The following SEMG2 variants were observed in gnomAD, a reference collection of about 807,000 sequenced individuals.
SEMG2 encodes semenogelin 2.
A neutral mutation model predicts 8.1 loss-of-function variants in SEMG2; 3 were observed. The observed-to-expected ratio is 0.37, with a 90% confidence interval of 0.17 to 0.96. The LOEUF is 0.96. SEMG2 is among the 40% of genes least tolerant of loss of function. The probability of loss-of-function intolerance (pLI) is 0.41; values close to 1 mark genes in which losing one functional copy is unlikely to be tolerated. For synonymous variants in SEMG2, 252 were observed against 231.4 expected (o/e 1.09, Z -0.81); for missense variants, 726 against 671.2 (o/e 1.08, Z -0.90).
At chr20:45,221,656 G>T (rs2145590968) in intron 1 of SEMG2, 53 bp from the exon 2 acceptor site, 1 of 1,480,284 alleles carries the variant, frequency 6.8e-7, no homozygotes, top group Non-Finnish European at 9.2e-7. Context: ...GGTAAGAGTT[G>T]CAAGAGAGCT....
chr20:45,223,246 C>G lies in SEMG2; in HGVS notation c.1614C>G (p.Leu538=), dbSNP rs1568841621. ...CTGCAGATAGCAAACAAGACCTACT[C>G]AGTCATGAACAAAAAGGCAGATACA... ...GQSADSKQDL[L]SHEQKGRYKQ... The change falls in exon 2 of 3, where the codon CTC becomes CTG. Residue 538 remains leucine, a synonymous_variant. Coordinates refer to ENST00000372769, the MANE Select transcript of SEMG2 (RefSeq NM_003008.3). 1.2e-6 allele frequency: 2 copies of G among 1,614,114 alleles called. No individual in the cohort carries two copies. Among genetic ancestry groups the G allele is most frequent in the Non-Finnish European group, 1.7e-6 (2 of 1,179,984 alleles).
intron 1 of SEMG2, 30 bp from the exon 2 acceptor site, chr20:45,221,679 A>C (rs1180897597): frequency 6.6e-7 from 1 of 1,525,832 alleles, no homozygotes; most frequent in Non-Finnish European, 8.9e-7. Flanking sequence ...GGAGATAATG[A>C]ATGCATACAT....
Position 45,221,767 on chromosome 20 carries a change from C to T in SEMG2, c.135C>T (p.Gly45=), listed in dbSNP as rs1395786187. 1.2e-6 allele frequency: 2 copies of T among 1,613,520 alleles called. No homozygotes were observed. Among genetic ancestry groups the T allele is most frequent in the African/African-American group, 2.7e-5 (2 of 74,992 alleles). ...CCCAATTTCCACATGGACAAAAGGG[C>T]CAGCACTATTTTGGACAAAAAGACC... The part of the protein sequence containing the change: ...GSSQFPHGQK[G]QHYFGQKDQQ... Residue 45 remains glycine (G), a synonymous_variant, in exon 2 of 3, where the codon GGC becomes GGT. Transcript: ENST00000372769.
At position 45,222,838 on chromosome 20, in the gene SEMG2, G is replaced by A; in HGVS notation, c.1206G>A (p.Lys402=). 6.2e-7 allele frequency: 1 copy of A among 1,613,862 alleles called. No individual in the cohort carries two copies. The highest frequency in any genetic ancestry group is 1.7e-5 in the Admixed American group (1 of 59,986). Residue 402 remains lysine (K), a synonymous_variant, in exon 2 of 3, where the codon AAG becomes AAA. Coordinates refer to ENST00000372769, the MANE Select transcript of SEMG2 (RefSeq NM_003008.3). ...GTCAAGCTCAAGAGTATGGCCATAA[G>A]GAAAATAAAATATCATACCAATCTT... ...IPSQAQEYGH[K]ENKISYQSSS... is the part of the protein sequence containing the mutation.
At position 45,222,657 on chromosome 20, in the gene SEMG2, A is replaced by T; in HGVS notation, c.1025A>T (p.Lys342Met). Residue 342 changes from lysine to methionine, a missense_variant, in exon 2 of 3, where the codon AAG (lysine) becomes ATG (methionine). Lys to Met is a moderately conservative substitution (Grantham distance 95, BLOSUM62 -1). Coordinates refer to ENST00000372769, the MANE Select transcript of SEMG2 (RefSeq NM_003008.3). Reference sequence around the variant, plus strand: ...AGTCAAGATCAAGAGCATGGCCATAAGGAAAATAAAATATCATACCAATCT... The same window carrying T: ...AGTCAAGATCAAGAGCATGGCCATATGGAAAATAAAATATCATACCAATCT... ...IHSQDQEHGHKENKISYQSSS... is the reference protein window; with the variant it reads ...IHSQDQEHGHMENKISYQSSS... The T allele has an allele frequency of 6.2e-7, 1 of 1,613,936 alleles. No homozygotes were observed. Among genetic ancestry groups the T allele is most frequent in the Non-Finnish European group, 8.5e-7 (1 of 1,179,922 alleles).
chr20:45,223,922 G>A (rs1392175579), intron 2 of SEMG2, among the ~76,000 whole-genome samples: 1 of 152,134 alleles, frequency 6.6e-6, no homozygotes, highest in Non-Finnish European at 1.5e-5. Context: ...CACTCTCTCT[G>A]AATATAGGAA....
At position 45,223,103 on chromosome 20, in the gene SEMG2, CA is replaced by C. The variant is rs753891373; in HGVS notation, c.1474del (p.Ser492AlafsTer10). The C allele has an allele frequency of 1.8e-5, 29 of 1,613,922 alleles. No homozygotes were observed. In the Admixed American group the frequency reaches 2.8e-4, roughly 16 times the overall value. ...GGKSTQKDVSQSSISFQIEKL... is the reference protein window; with the variant it reads ...GGKSTQKDVSXSSISFQIEKL... ...AAAGAGCACGCAGAAAGATGTATCC[CA>C]AAGCAGTATTTCTTTCCAAATTGAA... On this transcript the variant is annotated frameshift_variant, in exon 2 of 3. Transcript: ENST00000372769. LOFTEE classifies it low-confidence loss of function (END_TRUNC).
chr20:45,221,429 A>G lies in SEMG2; in HGVS notation c.40A>G (p.Ile14Val), dbSNP rs41305823. The G allele has an allele frequency of 7.6e-5, 123 of 1,614,156 alleles. 1 individual carries two copies. Among genetic ancestry groups the G allele is most frequent in the Admixed American group, 3.7e-4 (22 of 60,016 alleles). Residue 14 changes from isoleucine (I) to valine (V), a missense_variant, in exon 1 of 3, where the codon ATC (isoleucine) becomes GTC (valine). Ile to Val is a conservative substitution (Grantham distance 29). Transcript: ENST00000372769. ...CCTCTTTGTCCTTTCCCTGCTCCTT[A>G]TCTTGGAGAAGCAAGCAGCTGTGAT... ...IILFVLSLLL[I>V]LEKQAAVMGQ... is the part of the protein sequence containing the mutation.
rs1345550444 is a variant in SEMG2, at chr20:45,221,751, C to T, written c.119C>T (p.Pro40Leu). The T allele has an allele frequency of 6.2e-7, 1 of 1,610,574 alleles. No homozygotes were observed. Among genetic ancestry groups the T allele is most frequent in the Non-Finnish European group, 8.5e-7 (1 of 1,179,174 alleles). ...TTGCCAAGCGGATCTTCCCAATTTCCACATGGACAAAAGGGCCAGCACTAT... is the reference window on the plus strand; with the variant it reads ...TTGCCAAGCGGATCTTCCCAATTTCTACATGGACAAAAGGGCCAGCACTAT... ...GQLPSGSSQF[P>L]HGQKGQHYFG... Residue 40 changes from proline to leucine, a missense_variant, in exon 2 of 3, where the codon CCA (proline) becomes CTA (leucine). Physicochemically the swap from Pro to Leu is moderately conservative, Grantham distance 98. Transcript: ENST00000372769.
Position 45,224,346 on chromosome 20 carries a change from G to A in SEMG2, c.*100G>A, listed in dbSNP as rs1262595590. On this transcript the variant is annotated 3_prime_UTR_variant, in exon 3 of 3. Coordinates refer to ENST00000372769, the MANE Select transcript of SEMG2 (RefSeq NM_003008.3). ...GTTTCTGAGAGGCAGACTCCCATGTGGTCCCAGATCCTTGGTCCATGGATG... is the reference window on the plus strand; with the variant it reads ...GTTTCTGAGAGGCAGACTCCCATGTAGTCCCAGATCCTTGGTCCATGGATG... 3 of 152,144 alleles carry A rather than the reference G, an allele frequency of 2.0e-5. No homozygotes were observed. The East Asian group carries it at 5.8e-4, about 29-fold the overall frequency. 9.4% of individuals were successfully genotyped at this position (152,144 alleles called of 1,614,324 possible).
At position 45,222,344 on chromosome 20, in the gene SEMG2, C is replaced by T. The variant is rs781602245; in HGVS notation, c.712C>T (p.Leu238Phe). Residue 238 changes from leucine to phenylalanine, a missense_variant, in exon 2 of 3, where the codon CTC becomes TTC. Coordinates refer to ENST00000372769, the MANE Select transcript of SEMG2 (RefSeq NM_003008.3). ...ACATTCAAGTAAACTACAAACTTCA[C>T]TCCATCCTGCACATCAAGACAGACT... ...EEHSSKLQTSLHPAHQDRLQH... is the reference protein window; with the variant it reads ...EEHSSKLQTSFHPAHQDRLQH... 2 of 1,614,138 alleles carry T rather than the reference C, an allele frequency of 1.2e-6. No individual in the cohort carries two copies. Among genetic ancestry groups the T allele is most frequent in the South Asian group, 2.2e-5 (2 of 91,080 alleles).
Position 45,223,308 on chromosome 20 carries a change from C to T in SEMG2, c.1676C>T (p.Thr559Ile), listed in dbSNP as rs753995233. ...AGTGAGTCACATAATATTGTAATTACTGAGCATGAGGTTGCCCAAGATGAT... is the reference window on the plus strand; with the variant it reads ...AGTGAGTCACATAATATTGTAATTATTGAGCATGAGGTTGCCCAAGATGAT... Reference protein sequence around the residue: ...ESSESHNIVITEHEVAQDDHL... With the variant: ...ESSESHNIVIIEHEVAQDDHL... Residue 559 changes from threonine (T) to isoleucine (I), a missense_variant, in exon 2 of 3, where the codon ACT becomes ATT. Physicochemically the swap from Thr to Ile is moderately conservative, Grantham distance 89 (BLOSUM62 -1). Transcript: ENST00000372769. The T allele has an allele frequency of 1.4e-5, 23 of 1,613,974 alleles. No individual in the cohort carries two copies. The highest frequency in any genetic ancestry group is 1.9e-5 in the Non-Finnish European group (22 of 1,179,966).
At position 45,222,320 on chromosome 20, in the gene SEMG2, C is replaced by A. The variant is rs1158014962; in HGVS notation, c.688C>A (p.His230Asn). Residue 230 changes from histidine to asparagine, a missense_variant, in exon 2 of 3, where the codon CAT becomes AAT. His to Asn is a moderately conservative substitution (Grantham distance 68, BLOSUM62 1). Coordinates refer to ENST00000372769, the MANE Select transcript of SEMG2 (RefSeq NM_003008.3). ...YQNVVDVREE[H>N]SSKLQTSLHP... ...AAATGTGGTTGACGTGAGAGAGGAA[C>A]ATTCAAGTAAACTACAAACTTCACT... The A allele has an allele frequency of 2.5e-6, 4 of 1,614,072 alleles. No homozygotes were observed. The highest frequency in any genetic ancestry group is 2.2e-5 in the East Asian group (1 of 44,878).
chr20:45,222,382 CA>C lies in SEMG2; in HGVS notation c.753del (p.Asp252ThrfsTer10). On this transcript the variant is annotated frameshift_variant, in exon 2 of 3. Transcript: ENST00000372769. LOFTEE classifies it low-confidence loss of function (END_TRUNC). ...ATCAAGACAGACTCCAACATGGACC[CA>C]AAGACATTTTTACTACCCAAGATGA... ...AHQDRLQHGP[K>X]DIFTTQDELL... is the part of the protein sequence containing the mutation. 1 of 1,614,056 alleles carries C rather than the reference CA, an allele frequency of 6.2e-7. No individual in the cohort carries two copies. The highest frequency in any genetic ancestry group is 8.5e-7 in the Non-Finnish European group (1 of 1,180,010).
At position 45,221,452 on chromosome 20, in the gene SEMG2, G is replaced by A; in HGVS notation, c.63G>A (p.Val21=). The A allele has an allele frequency of 6.2e-7, 1 of 1,614,130 alleles. No homozygotes were observed. The highest frequency in any genetic ancestry group is 8.5e-7 in the Non-Finnish European group (1 of 1,179,986). ...TTATCTTGGAGAAGCAAGCAGCTGT[G>A]ATGGGACAAAAAGGTGAGTGGAGAG... The part of the protein sequence containing the change: ...LLLILEKQAA[V]MGQKGGSKGQ... The change falls in exon 1 of 3, where the codon GTG becomes GTA. Residue 21 remains valine, a synonymous_variant. Coordinates refer to ENST00000372769, the MANE Select transcript of SEMG2 (RefSeq NM_003008.3).
Position 45,221,863 on chromosome 20 carries a change from C to T in SEMG2, c.231C>T (p.Asp77=), listed in dbSNP as rs188329542. Residue 77 remains aspartate, a synonymous_variant, in exon 2 of 3, where the codon GAC becomes GAT. Transcript: ENST00000372769. ...HTYHVDINDH[D]WTRKSQQYDL... is the part of the protein sequence containing the mutation. ...ATCATGTAGACATCAATGATCATGA[C>T]TGGACCCGAAAAAGTCAGCAATATG... 1 of 1,614,054 alleles carries T rather than the reference C, an allele frequency of 6.2e-7. No homozygotes were observed. Among genetic ancestry groups the T allele is most frequent in the Admixed American group, 1.7e-5 (1 of 60,016 alleles).
intron 2 of SEMG2, among the ~76,000 whole-genome samples, chr20:45,223,931 A>G (rs1293673173): frequency 1.3e-5 from 2 of 152,184 alleles, no homozygotes; most frequent in African/African-American, 4.8e-5. Flanking sequence ...TGAATATAGG[A>G]AAGATATGAG....
chr20:45,221,561 T>A (rs1384180012), intron 1 of SEMG2, 96 bp downstream of exon 1: 1 of 1,448,126 alleles, frequency 6.9e-7, no homozygotes, highest in Non-Finnish European at 9.5e-7. Context: ...AGGCACAGAT[T>A]CTTCTCCTTG....
At position 45,223,015 on chromosome 20, in the gene SEMG2, T is replaced by A; in HGVS notation, c.1383T>A (p.His461Gln). The stretch of plus-strand genomic sequence containing the variant: ...CTAGTCAAGATCAAGAGCATGGCCA[T>A]AAGGAAAATAAAATGTCATACCAAT... ...TIPSQDQEHG[H>Q]KENKMSYQSS... is the part of the protein sequence containing the mutation. The change falls in exon 2 of 3, where the codon CAT becomes CAA. Residue 461 changes from histidine (H) to glutamine (Q), a missense_variant. His to Gln is a conservative substitution (Grantham distance 24, BLOSUM62 0). Transcript: ENST00000372769. 1 of 1,614,048 alleles carries A rather than the reference T, an allele frequency of 6.2e-7. No individual in the cohort carries two copies. Among genetic ancestry groups the A allele is most frequent in the Non-Finnish European group, 8.5e-7 (1 of 1,180,006 alleles).
Sources: gnomAD v4.1 joint callset for allele counts (sites outside exome capture counted in the v4.1 genomes callset) on GRCh38, gnomAD v4.1.1 for gene constraint, MANE v1.5 for transcripts, NCBI Gene and HGNC (gene_info 2026-07-23, HGNC 2026-07-21) for gene names.